The following PLD1 variants were observed in gnomAD, a reference collection of about 807,000 sequenced individuals.
The protein encoded by PLD1 is phospholipase D1.
Under a neutral mutation model 137.1 loss-of-function variants are expected in PLD1, and 112 were observed. The ratio of observed to expected loss-of-function variants is 0.82; its 90% CI spans 0.70 to 0.96. The LOEUF (loss-of-function observed/expected upper bound fraction) is 0.96, where lower values mean the gene tolerates loss of function less well. Among genes scored for constraint, PLD1 ranks in the 40% least tolerant of loss-of-function variants. The pLI, the probability that PLD1 is intolerant of heterozygous loss-of-function variation, is 0.00. For missense variants in PLD1, 1,321 were observed against 1,342.0 expected, an observed-to-expected ratio of 0.98 and a Z score of 0.24; for synonymous variants, 431 against 454.7, an observed-to-expected ratio of 0.95 and a Z score of 0.66.
rs934190281 is a variant in PLD1, at chr3:171,621,152, CT to C, written c.2594-633del. Among the ~76,000 whole-genome samples the C allele has an allele frequency of 1.6e-4, 24 of 152,216 alleles. 1 individual carries two copies. The highest frequency in any genetic ancestry group is 5.8e-4 in the African/African-American group (24 of 41,544). On this transcript the variant is annotated intron_variant, in intron 23 of 26. Transcript: ENST00000351298. Reference sequence around the variant, plus strand: ...ACAGAAGAATCCTTACTACATTAGACTTAGAATTTTCTTCAGAGCAAGCAGC... The same window carrying C: ...ACAGAAGAATCCTTACTACATTAGACTAGAATTTTCTTCAGAGCAAGCAGC...
intron 1 of PLD1, among the ~76,000 whole-genome samples, chr3:171,797,924 G>A (rs1723494821): frequency 6.6e-6 from 1 of 151,898 alleles, no homozygotes; most frequent in Non-Finnish European, 1.5e-5. Context: ...GTTTCACGAT[G>A]GCTGTCCTGT....
intron 23 of PLD1, among the ~76,000 whole-genome samples, chr3:171,638,859 A>G (rs868772715): frequency 2.0e-4 from 30 of 152,150 alleles, no homozygotes; most frequent in African/African-American, 3.4e-4. Flanking sequence ...GCCCTCCCCA[A>G]TGTTGCTGGG....
chr3:171,760,167 C>A (rs1181185058), intron 1 of PLD1, among the ~76,000 whole-genome samples: 2 of 152,198 alleles, frequency 1.3e-5, no homozygotes, highest in African/African-American at 4.8e-5. Flanking sequence ...CAGATCTACA[C>A]TTCCTAGAAC....
At chr3:171,702,401 T>C (rs1716324383) in intron 11 of PLD1, among the ~76,000 whole-genome samples, 1 of 151,786 alleles carries the variant, frequency 6.6e-6, no homozygotes, top group Non-Finnish European at 1.5e-5. Context: ...GGTAGGAGGA[T>C]TGCTTGAACC....
rs578078355 is a variant in PLD1, at chr3:171,612,234, G to A, written c.2882+45C>T. 1 of 1,591,774 alleles carries A rather than the reference G, an allele frequency of 6.3e-7. No homozygotes were observed. Among genetic ancestry groups the A allele is most frequent in the Non-Finnish European group, 8.6e-7 (1 of 1,162,556 alleles). On this transcript the variant is annotated intron_variant, in intron 25 of 26. Transcript: ENST00000351298. This position sits in a 1 kb window ranked among gnomAD's most constrained non-coding sequence, Gnocchi z 4.1. ...CTAGCGGGGCTGGGTCCCAGCGACT[G>A]CTGCAGTGGAAATGCATCAGAGAGA...
chr3:171,802,458 A>T (rs1313699902), intron 1 of PLD1, among the ~76,000 whole-genome samples: 1 of 152,158 alleles, frequency 6.6e-6, no homozygotes, highest in Non-Finnish European at 1.5e-5. Context: ...GATCCAAATG[A>T]CAAAAAAGAA....
At chr3:171,658,744 A>C (rs1737419892) in intron 21 of PLD1, among the ~76,000 whole-genome samples, 1 of 151,978 alleles carries the variant, frequency 6.6e-6, no homozygotes, top group Non-Finnish European at 1.5e-5. Flanking sequence ...CTGTGAATAC[A>C]CTAAAAATCA....
At chr3:171,669,489 C>T (rs189234427) in intron 19 of PLD1, among the ~76,000 whole-genome samples, 63 of 152,276 alleles carry the variant, frequency 4.1e-4, no homozygotes, top group Admixed American at 2.9e-3. Context: ...GCAACCTCTG[C>T]CTCCTGGGTT....
chr3:171,664,648 G>A (rs545676709), intron 19 of PLD1, among the ~76,000 whole-genome samples: 2 of 151,892 alleles, frequency 1.3e-5, no homozygotes, highest in South Asian at 4.2e-4. Flanking sequence ...TAGTAGAGAC[G>A]GGGTTTTGCC....
At chr3:171,720,959 T>G (rs1213100681) in intron 8 of PLD1, among the ~76,000 whole-genome samples, 1 of 152,186 alleles carries the variant, frequency 6.6e-6, no homozygotes, top group Non-Finnish European at 1.5e-5. Flanking sequence ...AAAGTCACCC[T>G]CTGCAATCCC....
chr3:171,766,617 G>C (rs1721992124), intron 1 of PLD1, among the ~76,000 whole-genome samples: 1 of 151,932 alleles, frequency 6.6e-6, no homozygotes, highest in Non-Finnish European at 1.5e-5. Flanking sequence ...ATTTTCTTCT[G>C]CTACTTTATG....
intron 1 of PLD1, chr3:171,792,588 A>G (rs1194499117): frequency 2.2e-6 from 1 of 456,736 alleles, no homozygotes; most frequent in Non-Finnish European, 4.4e-6. Context: ...GCCCAGCCCC[A>G]GACTGGCTGA....
chr3:171,720,213 G>T (rs185532685), intron 8 of PLD1, among the ~76,000 whole-genome samples: 1 of 148,418 alleles, frequency 6.7e-6, no homozygotes, highest in Non-Finnish European at 1.5e-5. Flanking sequence ...AGGATCGCTT[G>T]AGCTCAGGAG....
At position 171,602,477 on chromosome 3, in the gene PLD1, T is replaced by G. The variant is rs1443860202; in HGVS notation, c.*601A>C. 1 of 155,702 alleles carries G rather than the reference T, an allele frequency of 6.4e-6. No homozygotes were observed. The highest frequency in any genetic ancestry group is 2.4e-5 in the African/African-American group (1 of 41,476). 9.6% of individuals were successfully genotyped at this position (155,702 alleles called of 1,614,324 possible). A position where few individuals can be genotyped will look rare whatever the true frequency, so the allele number is the denominator to read the frequency against. ...CAGAAGTGCCTAACACAGTCTACTG[T>G]GTAGGCTAAAGTCTGCCGTGTTCGT... On this transcript the variant is annotated 3_prime_UTR_variant, in exon 27 of 27. Coordinates refer to ENST00000351298, the MANE Select transcript of PLD1 (RefSeq NM_002662.5).
intron 8 of PLD1, among the ~76,000 whole-genome samples, chr3:171,723,446 A>G (rs1718284164): frequency 6.6e-6 from 1 of 152,196 alleles, no homozygotes; most frequent in South Asian, 2.1e-4. Flanking sequence ...AAGTGCAGAT[A>G]TATCTTTGAT....
At chr3:171,773,649 C>T (rs1722485284) in intron 1 of PLD1, among the ~76,000 whole-genome samples, 2 of 152,106 alleles carry the variant, frequency 1.3e-5, no homozygotes, top group African/African-American at 2.4e-5. Flanking sequence ...ATAAGGATAG[C>T]TATTATATAA....
intron 19 of PLD1, among the ~76,000 whole-genome samples, chr3:171,673,002 A>T (rs2108469369): frequency 6.6e-6 from 1 of 152,360 alleles, no homozygotes; most frequent in South Asian, 2.1e-4. Context: ...CATTTTCAAC[A>T]GATACTTATT....
At chr3:171,659,681 T>C (rs142159215) in intron 20 of PLD1, among the ~76,000 whole-genome samples, 214 of 152,352 alleles carry the variant, frequency 1.4e-3, no homozygotes, top group Non-Finnish European at 1.8e-3. Context: ...AAAAATTCTA[T>C]ATTGGCAAAC....
intron 11 of PLD1, among the ~76,000 whole-genome samples, chr3:171,701,425 T>A (rs1716227541): frequency 6.6e-6 from 1 of 152,214 alleles, no homozygotes; most frequent in Admixed American, 6.5e-5. Flanking sequence ...TATATACAAT[T>A]GCAATTTTTT....
Sources: allele counts gnomAD v4.1 joint callset (sites outside exome capture counted in the v4.1 genomes callset), GRCh38; gene constraint gnomAD v4.1.1; non-coding constraint Gnocchi (gnomAD v3.1); transcripts MANE v1.5; gene names NCBI Gene and HGNC (gene_info 2026-07-23, HGNC 2026-07-21).